The following GADL1 variants were observed in gnomAD, a reference collection of about 807,000 sequenced individuals.
The protein encoded by GADL1 is acidic amino acid decarboxylase GADL1.
GADL1 carries 71 observed loss-of-function variants against 69.5 expected under a neutral mutation model. The observed-to-expected ratio is 1.02, with a 90% CI of 0.84 to 1.25. GADL1 has a LOEUF of 1.25. Among genes scored for constraint, GADL1 ranks in the 50% most tolerant of loss-of-function variants. The pLI is 0.00. For synonymous variants in GADL1, 254 were observed against 214.4 expected (o/e 1.18, Z -1.62); for missense variants, 737 against 631.8 (o/e 1.17, Z -1.79).
intron 14 of GADL1, among the ~76,000 whole-genome samples, chr3:30,736,442 T>G (rs1695542657): frequency 6.6e-6 from 1 of 152,136 alleles, no homozygotes; most frequent in Non-Finnish European, 1.5e-5. Flanking sequence ...ATAAGCATAG[T>G]GCTTGGCATA....
At chr3:30,834,066 G>A in intron 10 of GADL1, 132 bp from the exon 11 acceptor site, 1 of 907,538 alleles carries the variant, frequency 1.1e-6, no homozygotes, top group East Asian at 2.5e-5. Flanking sequence ...CTCCTTATCT[G>A]AGTGGTTTAA....
intron 14 of GADL1, among the ~76,000 whole-genome samples, chr3:30,756,562 GA>G (rs764898901): frequency 6.6e-6 from 1 of 151,868 alleles, no homozygotes; most frequent in Non-Finnish European, 1.5e-5. Context: ...TTGGTTCATA[GA>G]AAACAGCAGA....
chr3:30,887,943 T>C (rs527722145), intron 1 of GADL1, among the ~76,000 whole-genome samples: 3 of 152,204 alleles, frequency 2.0e-5, no homozygotes, highest in Admixed American at 2.0e-4. Context: ...CCCCTATGGA[T>C]ACCAAAACCC....
intron 11 of GADL1, among the ~76,000 whole-genome samples, chr3:30,807,244 A>T (rs1364446597): frequency 6.6e-6 from 1 of 152,114 alleles, no homozygotes; most frequent in Admixed American, 6.5e-5. Context: ...CCTTTGGTTT[A>T]CTTTATTTCC....
At chr3:30,745,784 A>G (rs1024597667) in intron 14 of GADL1, among the ~76,000 whole-genome samples, 199 of 152,308 alleles carry the variant, frequency 1.3e-3, no homozygotes, top group African/African-American at 4.7e-3. Flanking sequence ...AAATGCCACC[A>G]GAGAAAAATA....
At chr3:30,823,378 T>C (rs1158209650) in intron 11 of GADL1, among the ~76,000 whole-genome samples, 2 of 151,990 alleles carry the variant, frequency 1.3e-5, no homozygotes, top group East Asian at 3.9e-4. Flanking sequence ...TATTCATTGT[T>C]ATTAAGGCCA....
At chr3:30,850,525 C>G (rs988800165) in intron 5 of GADL1, among the ~76,000 whole-genome samples, 4 of 152,108 alleles carry the variant, frequency 2.6e-5, no homozygotes, top group African/African-American at 9.7e-5. Context: ...GAAATCTTCT[C>G]AAGTAAAATT....
intron 14 of GADL1, among the ~76,000 whole-genome samples, chr3:30,766,668 C>T (rs1451249832): frequency 6.6e-6 from 1 of 152,102 alleles, no homozygotes; most frequent in African/African-American, 2.4e-5. Context: ...ACTGCCAAGC[C>T]AGTGTGTTTT....
At chr3:30,866,418 C>T (rs1238222942) in intron 1 of GADL1, among the ~76,000 whole-genome samples, 1 of 152,052 alleles carries the variant, frequency 6.6e-6, no homozygotes, top group Non-Finnish European at 1.5e-5. Flanking sequence ...AAGATCATAC[C>T]ACTGCACTTC....
rs887218445 is a variant in GADL1 at position 30,768,337 on chromosome 3, G to A, written c.1392+9842C>T. Among the ~76,000 whole-genome samples, 5 of 152,084 alleles carry A rather than the reference G, an allele frequency of 3.3e-5. No homozygotes were observed. The East Asian group carries it at 9.6e-4, about 29-fold the overall frequency. ...AGAATGGTTTTATAAATTATGAGAAGGGACTACTTGTTATAGAGGGCAAGC... is the reference window on the plus strand; with the variant it reads ...AGAATGGTTTTATAAATTATGAGAAAGGACTACTTGTTATAGAGGGCAAGC... On this transcript the variant is annotated intron_variant, in intron 14 of 14. Transcript: ENST00000282538.
chr3:30,881,774 T>A (rs753147566), intron 1 of GADL1, among the ~76,000 whole-genome samples: 1 of 151,980 alleles, frequency 6.6e-6, no homozygotes, highest in African/African-American at 2.4e-5. Flanking sequence ...ATGTTGAAAT[T>A]TAATTGCTAT....
rs142775476 is a variant in GADL1 at position 30,854,857 on chromosome 3, C to T, written c.338-68G>A. 615 of 760,602 alleles carry T rather than the reference C, an allele frequency of 8.1e-4. 1 individual carries two copies. The African/African-American group carries it at 1.0e-2, about 12-fold the overall frequency. 47.1% of individuals were successfully genotyped at this position (760,602 alleles called of 1,614,324 possible). On this transcript the variant is annotated intron_variant, in intron 3 of 14. Coordinates refer to ENST00000282538, the MANE Select transcript of GADL1 (RefSeq NM_207359.3). ...AAAAAAACTACTGATACAGCATTAA[C>T]ATAAATGAATCTTTCAGAAAATGAA...
chr3:30,863,876 A>G (rs1698357909), intron 1 of GADL1, among the ~76,000 whole-genome samples: 1 of 152,046 alleles, frequency 6.6e-6, no homozygotes, highest in Admixed American at 6.6e-5. Flanking sequence ...TTATTGGCAA[A>G]CACAAATGGT....
chr3:30,770,272 G>A (rs920290871), intron 14 of GADL1, among the ~76,000 whole-genome samples: 5 of 152,162 alleles, frequency 3.3e-5, no homozygotes, highest in Admixed American at 1.3e-4. Context: ...GTGGTAAGTG[G>A]CCTATAAGCA....
intron 5 of GADL1, 115 bp downstream of exon 5, chr3:30,850,720 G>T: frequency 1.6e-6 from 1 of 640,458 alleles, no homozygotes; most frequent in East Asian, 2.7e-5. Context: ...TCAGCAAGTA[G>T]AATTATTAAT....
rs1278876616 is a variant in GADL1 at position 30,839,127 on chromosome 3, CCACA to C, written c.787-18_787-15del. 1 of 1,466,722 alleles carries C rather than the reference CCACA, an allele frequency of 6.8e-7. No homozygotes were observed. The highest frequency in any genetic ancestry group is 9.2e-7 in the Non-Finnish European group (1 of 1,092,558). 90.9% of individuals were successfully genotyped at this position (1,466,722 alleles called of 1,614,324 possible). ...CGGTGCTGCCCCCTGTAAGAAGGAT[CCACA>C]CACACAAAATTATCACTGTCATCAC... is the stretch of plus-strand genomic sequence containing the variant. On this transcript the variant is annotated splice_polypyrimidine_tract_variant and intron_variant, in intron 8 of 14. Transcript: ENST00000282538.
intron 9 of GADL1, among the ~76,000 whole-genome samples, chr3:30,835,640 C>G (rs750070904): frequency 2.0e-5 from 3 of 151,912 alleles, no homozygotes; most frequent in Non-Finnish European, 4.4e-5. Flanking sequence ...CTTGCAAGGC[C>G]CTAAGAGTGA....
intron 2 of GADL1, among the ~76,000 whole-genome samples, chr3:30,858,016 A>G (rs1350866925): frequency 6.6e-6 from 1 of 151,930 alleles, no homozygotes; most frequent in Non-Finnish European, 1.5e-5. Context: ...CCCTTACCTA[A>G]AATTAAAATC....
Position 30,727,400 on chromosome 3 carries a change from A to G in GADL1, c.*842T>C, listed in dbSNP as rs1229448418. ...TCAATTATTGTGCTTTGAATTATATATATATATATATGTGTGTGTGTGTAT... is the reference window on the plus strand; with the variant it reads ...TCAATTATTGTGCTTTGAATTATATGTATATATATATGTGTGTGTGTGTAT... On this transcript the variant is annotated 3_prime_UTR_variant, in exon 15 of 15. Coordinates refer to ENST00000282538, the MANE Select transcript of GADL1 (RefSeq NM_207359.3). 6.9e-6 allele frequency: 1 copy of G among 145,440 alleles called. No homozygotes were observed. The highest frequency in any genetic ancestry group is 2.6e-5 in the African/African-American group (1 of 37,754). 9.0% of individuals were successfully genotyped at this position (145,440 alleles called of 1,614,324 possible).
Sources: allele counts gnomAD v4.1 joint callset (sites outside exome capture counted in the v4.1 genomes callset), GRCh38; gene constraint gnomAD v4.1.1; transcripts MANE v1.5; gene names NCBI Gene and HGNC (gene_info 2026-07-23, HGNC 2026-07-21).